Variants in ACAD9 observed in about 807,000 individuals in gnomAD.
The protein encoded by ACAD9 is acyl-CoA dehydrogenase family member 9, also known as complex I assembly factor ACAD9, mitochondrial.
Under a neutral mutation model 70.2 loss-of-function variants are expected in ACAD9, and 53 were observed. The observed-to-expected ratio is 0.75, with a 90% CI of 0.61 to 0.95. The LOEUF (loss-of-function observed/expected upper bound fraction) is 0.95. Ranked by LOEUF, ACAD9 falls within the 40% of genes least tolerant of loss-of-function variation. ACAD9 has a pLI of 0.00. For synonymous variants in ACAD9, 313 were observed against 312.1 expected (o/e 1.00, Z -0.03); for missense variants, 777 against 802.8 (o/e 0.97, Z 0.39).
chr3:128,904,284 T>G (rs1935825691), intron 10 of ACAD9, 102 bp from the exon 11 acceptor site: 1 of 1,605,656 alleles, frequency 6.2e-7, no homozygotes, highest in East Asian at 2.2e-5. Context: ...CTTGCTTCTC[T>G]TGGGCATTGA....
chr3:128,880,080 T>C (rs1935042341), intron 1 of ACAD9: 2 of 1,466,080 alleles, frequency 1.4e-6, no homozygotes, highest in Non-Finnish European at 1.8e-6. Context: ...CAGCTAAATT[T>C]TGTCAGGGGA....
rs1395154337 is a variant in ACAD9, at chr3:128,911,530, T to A, written c.1765+717T>A. 3.9e-5 allele frequency among the ~76,000 whole-genome samples: 6 copies of A among 152,282 alleles called. No individual in the cohort carries two copies. In the East Asian group the frequency reaches 1.2e-3, roughly 29 times the overall value. On this transcript the variant is annotated intron_variant, in intron 17 of 17. Transcript: ENST00000308982. Reference sequence around the variant, plus strand: ...TTGGCTCACTGCAACCTCCACCTCCTGGGTTCAAGCAACTCCTGTGCCTCA... The same window carrying A: ...TTGGCTCACTGCAACCTCCACCTCCAGGGTTCAAGCAACTCCTGTGCCTCA...
At chr3:128,905,697 T>C (rs564386444) in intron 11 of ACAD9, among the ~76,000 whole-genome samples, 2 of 152,356 alleles carry the variant, frequency 1.3e-5, no homozygotes, top group Admixed American at 1.3e-4. Flanking sequence ...CCACAGACAT[T>C]AGTTTGCTGT....
chr3:128,890,031 A>G (rs1464069586), intron 2 of ACAD9, among the ~76,000 whole-genome samples: 1 of 152,052 alleles, frequency 6.6e-6, no homozygotes, highest in Non-Finnish European at 1.5e-5. Context: ...TCACTATGTT[A>G]TTCAGGCTGG....
chr3:128,889,228 G>T (rs1454057056), intron 2 of ACAD9, among the ~76,000 whole-genome samples: 1 of 151,644 alleles, frequency 6.6e-6, no homozygotes, highest in African/African-American at 2.4e-5. Flanking sequence ...TGCCCAGGCT[G>T]GTTTCCAACT....
In ACAD9 at chr3:128,909,055, C is replaced by CT; in HGVS notation, c.1442dup (p.Leu483AlafsTer20). 1 of 1,614,120 alleles carries CT rather than the reference C, an allele frequency of 6.2e-7. No individual in the cohort carries two copies. The highest frequency in any genetic ancestry group is 8.5e-7 in the Non-Finnish European group (1 of 1,180,026). The stretch of plus-strand genomic sequence containing the variant: ...GGACTCCCTGGGCCGAACTGTGGAC[C>CT]TGGGGCTGACAGGCAACCATGGAGT... On this transcript the variant is annotated frameshift_variant, in exon 14 of 18. Coordinates refer to ENST00000308982, the MANE Select transcript of ACAD9 (RefSeq NM_014049.5). LOFTEE classifies it high-confidence loss of function.
chr3:128,911,793 C>T (rs969236005), intron 17 of ACAD9, among the ~76,000 whole-genome samples: 1 of 152,222 alleles, frequency 6.6e-6, no homozygotes, highest in African/African-American at 2.4e-5. Context: ...GGAGGAGCAT[C>T]TGGTTGTACC....
intron 1 of ACAD9, chr3:128,880,140 C>T: frequency 1.2e-6 from 1 of 833,870 alleles, no homozygotes; most frequent in South Asian, 1.7e-5. Context: ...TTCATCTCAG[C>T]TGGTCTGGTC....
At chr3:128,890,591 A>T (rs1420933384) in intron 2 of ACAD9, among the ~76,000 whole-genome samples, 1 of 151,628 alleles carries the variant, frequency 6.6e-6, no homozygotes, top group African/African-American at 2.4e-5. Context: ...AGTCCCAGCT[A>T]CTCGGGAGGC....
In ACAD9 at chr3:128,899,523, G is replaced by GGTGTGTGTGT. The variant is rs63473460; in HGVS notation, c.808+93_808+102dup. The GGTGTGTGTGT allele has an allele frequency of 3.6e-3, 3,818 of 1,068,124 alleles. 28 individuals carry two copies. Among genetic ancestry groups the GGTGTGTGTGT allele is most frequent in the African/African-American group, 0.019 (1,147 of 60,490 alleles). The allele number at this position is 1,068,124 out of a possible 1,614,324, so 66.2% of individuals were successfully genotyped here. ...TGTAAGGGGGAGACTGGCCTTTGACGGTGTGTGTGTGTGTGTGTGTGTGTG... is the reference window on the plus strand; with the variant it reads ...TGTAAGGGGGAGACTGGCCTTTGACGGTGTGTGTGTGTGTGTGTGTGTGTGTGTGTGTGTG... On this transcript the variant is annotated intron_variant, in intron 7 of 17. Transcript: ENST00000308982.
At chr3:128,909,139 C>T in intron 14 of ACAD9, 40 bp downstream of exon 14, 1 of 1,612,962 alleles carries the variant, frequency 6.2e-7, no homozygotes, top group South Asian at 1.1e-5. Context: ...TTTCAATGCC[C>T]TCCTGCCAGA....
intron 10 of ACAD9, 84 bp from the exon 11 acceptor site, chr3:128,904,302 G>A: frequency 6.2e-7 from 1 of 1,611,854 alleles, no homozygotes; most frequent in Non-Finnish European, 8.5e-7. Flanking sequence ...TGAGGCTTCT[G>A]ACTTAATTAC....
At chr3:128,889,175 A>AC (rs1430966113) in intron 2 of ACAD9, among the ~76,000 whole-genome samples, 11 of 151,648 alleles carry the variant, frequency 7.3e-5, no homozygotes, top group South Asian at 2.1e-4. Context: ...TTAAAAAAAA[A>AC]AAAACAAAAA....
chr3:128,893,711 A>G, intron 3 of ACAD9, 55 bp downstream of exon 3: 5 of 1,455,570 alleles, frequency 3.4e-6, no homozygotes, highest in East Asian at 2.3e-5. Flanking sequence ...AGCACTCTGT[A>G]TTTGTCCATA....
At chr3:128,887,646 T>A (rs1226149131) in intron 2 of ACAD9, among the ~76,000 whole-genome samples, 1 of 115,178 alleles carries the variant, frequency 8.7e-6, no homozygotes, top group African/African-American at 3.7e-5. Context: ...AATAAATAAA[T>A]ATATATATAT....
At chr3:128,912,088 C>T (rs773453800) in intron 17 of ACAD9, among the ~76,000 whole-genome samples, 4 of 152,218 alleles carry the variant, frequency 2.6e-5, no homozygotes, top group Non-Finnish European at 5.9e-5. Flanking sequence ...GTGTAGGCGC[C>T]AGCACTGTGG....
Position 128,902,566 on chromosome 3 carries a change from TC to T in ACAD9, c.898del (p.Leu300SerfsTer19). The T allele has an allele frequency of 6.2e-7, 1 of 1,614,138 alleles. No homozygotes were observed. The highest frequency in any genetic ancestry group is 8.5e-7 in the Non-Finnish European group (1 of 1,179,978). The part of the protein sequence containing the change: ...VGDGFKVAMN[I>X]LNSGRFSMGS... ...TTCTCCCTGCAGGTGGCCATGAACA[TC>T]CTCAACAGCGGCCGGTTCAGCATGG... is the stretch of plus-strand genomic sequence containing the variant. On this transcript the variant is annotated frameshift_variant, in exon 9 of 18. Coordinates refer to ENST00000308982, the MANE Select transcript of ACAD9 (RefSeq NM_014049.5). LOFTEE classifies it high-confidence loss of function. The surrounding 1 kb of genome is among the most constrained non-coding windows in gnomAD (Gnocchi z 4.0).
At chr3:128,912,441 C>A (rs1236585996) in intron 17 of ACAD9, 66 bp from the exon 18 acceptor site, 5 of 1,471,492 alleles carry the variant, frequency 3.4e-6, no homozygotes, top group Non-Finnish European at 4.7e-6. Flanking sequence ...AATGCCCCCA[C>A]TTCAGCCATG....
rs778405104 is a variant in ACAD9 at position 128,910,021 on chromosome 3, A to C, written c.1564A>C (p.Thr522Pro). The C allele has an allele frequency of 1.2e-6, 2 of 1,613,470 alleles. No individual in the cohort carries two copies. The highest frequency in any genetic ancestry group is 2.2e-5 in the East Asian group (1 of 44,882). Residue 522 changes from threonine to proline, a missense_variant and splice_region_variant, in exon 16 of 18, where the codon ACC (threonine) becomes CCC (proline). Thr to Pro is a conservative substitution (Grantham distance 38). Transcript: ENST00000308982. ...VETLLLRFGK[T>P]IMEEQLVLKR... ...CCACTTGGAGCCTCTGTGATCCCAGACCATCATGGAGGAGCAGCTGGTACT... is the reference window on the plus strand; with the variant it reads ...CCACTTGGAGCCTCTGTGATCCCAGCCCATCATGGAGGAGCAGCTGGTACT...
Sources: allele counts gnomAD v4.1 joint callset (sites outside exome capture counted in the v4.1 genomes callset), GRCh38; gene constraint gnomAD v4.1.1; non-coding constraint Gnocchi (gnomAD v3.1); transcripts MANE v1.5; gene names NCBI Gene and HGNC (gene_info 2026-07-23, HGNC 2026-07-21).